Variants in OPALIN observed in about 807,000 individuals in gnomAD.
OPALIN encodes oligodendrocytic myelin paranodal and inner loop protein.
A neutral mutation model predicts 17.8 loss-of-function variants in OPALIN; 15 were observed. That is an observed-to-expected ratio of 0.84 (90% CI 0.56 to 1.29). The LOEUF (loss-of-function observed/expected upper bound fraction) is 1.29, where lower values mean the gene tolerates loss of function less well. Ranked by LOEUF, OPALIN falls within the 50% of genes most tolerant of loss-of-function variation. The pLI is 0.00. For missense variants in OPALIN, 170 were observed against 176.0 expected (o/e 0.97, Z 0.19); for synonymous variants, 62 against 63.8 (o/e 0.97, Z 0.14).
chr10:96,358,184 T>G (rs1009161223), intron 1 of OPALIN, among the ~76,000 whole-genome samples: 1 of 18,068 alleles, frequency 5.5e-5, no homozygotes, highest in Non-Finnish European at 1.1e-4. Context: ...CAATGCTTTT[T>G]GTAAAAAAAA....
At chr10:96,351,631 A>G (rs927651963) in intron 2 of OPALIN, among the ~76,000 whole-genome samples, 1 of 152,168 alleles carries the variant, frequency 6.6e-6, no homozygotes. Flanking sequence ...AATTCAGGCA[A>G]TGTCTTCATT....
In OPALIN at chr10:96,343,587, G is replaced by A. The variant is rs189775885; in HGVS notation, c.*2354C>T. ...CTATAAGTATCAAAGCCAAGGCCACGGCTGAGTTCTCAGTAAATCCAAGGT... is the reference window on the plus strand; with the variant it reads ...CTATAAGTATCAAAGCCAAGGCCACAGCTGAGTTCTCAGTAAATCCAAGGT... On this transcript the variant is annotated 3_prime_UTR_variant, in exon 6 of 6. Transcript: ENST00000371172. 56 of 152,338 alleles carry A rather than the reference G, an allele frequency of 3.7e-4. 1 individual carries two copies. Among genetic ancestry groups the A allele is most frequent in the Admixed American group, 3.1e-3 (48 of 15,308 alleles). The allele number at this position is 152,338 out of a possible 1,614,324, so 9.4% of individuals were successfully genotyped here.
chr10:96,355,239 G>A lies in OPALIN; in HGVS notation c.39+16C>T, dbSNP rs1421559093. 5 of 1,612,494 alleles carry A rather than the reference G, an allele frequency of 3.1e-6. No homozygotes were observed. The highest frequency in any genetic ancestry group is 1.3e-5 in the African/African-American group (1 of 74,764). ...CTTCTCTGCGTTGCCTGGTGAATGGGGGCTGCTGTACTTACTGTGTTCGCC... is the reference window on the plus strand; with the variant it reads ...CTTCTCTGCGTTGCCTGGTGAATGGAGGCTGCTGTACTTACTGTGTTCGCC... On this transcript the variant is annotated intron_variant, in intron 2 of 5. Transcript: ENST00000371172.
At chr10:96,346,431 T>C (rs1021662539) in intron 5 of OPALIN, among the ~76,000 whole-genome samples, 1 of 152,222 alleles carries the variant, frequency 6.6e-6, no homozygotes, top group African/African-American at 2.4e-5. Flanking sequence ...AATCTATTTG[T>C]GTATTTATAT....
At chr10:96,346,893 CA>C (rs1340647844) in intron 5 of OPALIN, among the ~76,000 whole-genome samples, 1 of 152,136 alleles carries the variant, frequency 6.6e-6, no homozygotes, top group Non-Finnish European at 1.5e-5. Context: ...TAGCATTCTA[CA>C]TATTTTAATA....
chr10:96,358,836 G>T lies in OPALIN; in HGVS notation c.3+58C>A. 3 of 1,569,746 alleles carry T rather than the reference G, an allele frequency of 1.9e-6. No individual in the cohort carries two copies. The South Asian group carries it at 3.3e-5, about 17-fold the overall frequency. On this transcript the variant is annotated intron_variant, in intron 1 of 5. Transcript: ENST00000371172. ...CATTGTACATTTAATTGAATTTGGA[G>T]GTTTTTTATAGTAAGAAATGAAAGT...
intron 3 of OPALIN, 23 bp from the exon 4 acceptor site, chr10:96,349,849 G>A (rs771381117): frequency 2.3e-5 from 37 of 1,597,764 alleles, no homozygotes; most frequent in Non-Finnish European, 3.2e-5. Flanking sequence ...GAAAAACACA[G>A]GGTCAGAGGA....
intron 2 of OPALIN, among the ~76,000 whole-genome samples, chr10:96,352,153 G>A (rs1249083351): frequency 6.6e-6 from 1 of 152,082 alleles, no homozygotes; most frequent in Non-Finnish European, 1.5e-5. Flanking sequence ...TATCTACAGG[G>A]ATAGTAGTAG....
intron 5 of OPALIN, among the ~76,000 whole-genome samples, chr10:96,347,753 G>T (rs11813381): frequency 2.6e-5 from 4 of 152,178 alleles, no homozygotes; most frequent in African/African-American, 7.2e-5. Context: ...GATTACAGGC[G>T]TGAGCCACTG....
rs1030883730 is a variant in OPALIN, at chr10:96,349,911, C to A, written c.73-85G>T. 1.1e-5 allele frequency: 15 copies of A among 1,383,972 alleles called. No individual in the cohort carries two copies. In the African/African-American group the frequency reaches 1.5e-4, roughly 14 times the overall value. The allele number at this position is 1,383,972 out of a possible 1,614,324, so 85.7% of individuals were successfully genotyped here. On this transcript the variant is annotated intron_variant, in intron 3 of 5. Coordinates refer to ENST00000371172, the MANE Select transcript of OPALIN (RefSeq NM_033207.5). ...AAAATTCAATAGAATAAAAATAAAA[C>A]AAAAAATCTGCATGGATCATAAACG...
chr10:96,357,784 G>A (rs562525248), intron 1 of OPALIN, among the ~76,000 whole-genome samples: 1 of 152,134 alleles, frequency 6.6e-6, no homozygotes, highest in Non-Finnish European at 1.5e-5. Context: ...TTGTGGAATG[G>A]AATTGCAAGC....
rs192831451 is a variant in OPALIN, at chr10:96,354,900, A to G, written c.39+355T>C. 3.9e-3 allele frequency among the ~76,000 whole-genome samples: 591 copies of G among 150,480 alleles called. 5 individuals carry two copies. Among genetic ancestry groups the G allele is most frequent in the South Asian group, 8.9e-3 (43 of 4,818 alleles). On this transcript the variant is annotated intron_variant, in intron 2 of 5. Coordinates refer to ENST00000371172, the MANE Select transcript of OPALIN (RefSeq NM_033207.5). ...CACCTGAGGTCAGGAGTTTGAGACC[A>G]GCCTGGCCAACATGGCAAAACCCTG...
intron 5 of OPALIN, among the ~76,000 whole-genome samples, chr10:96,347,778 T>C (rs1334118744): frequency 5.3e-5 from 8 of 152,220 alleles, no homozygotes; most frequent in African/African-American, 1.9e-4. Context: ...GGACCTATAC[T>C]TTCTAATTTT....
chr10:96,351,975 T>C (rs974397498), intron 2 of OPALIN, among the ~76,000 whole-genome samples: 7 of 152,228 alleles, frequency 4.6e-5, no homozygotes, highest in Admixed American at 6.5e-5. Flanking sequence ...AGAGTTTACC[T>C]TGATTAGGAA....
rs756116152 is a variant in OPALIN, at chr10:96,349,724, T to C, written c.175A>G (p.Ser59Gly). Residue 59 changes from serine (S) to glycine (G), a missense_variant, in exon 4 of 6, where the codon AGC (serine) becomes GGC (glycine). Ser to Gly is a moderately conservative substitution (Grantham distance 56). Transcript: ENST00000371172. ...GTAATCACCTCCATGGCCTCAATGC[T>C]GCTTCTTCTTCGGTGAATCAAAGTA... ...LFTLIHRRRS[S>G]IEAMEESDRP... 2.5e-6 allele frequency: 4 copies of C among 1,614,022 alleles called. No individual in the cohort carries two copies. Among genetic ancestry groups the C allele is most frequent in the Admixed American group, 3.3e-5 (2 of 60,004 alleles).
intron 1 of OPALIN, 103 bp from the exon 2 acceptor site, chr10:96,355,393 A>G: frequency 9.5e-7 from 1 of 1,055,354 alleles, no homozygotes. Context: ...GAGGTCATTG[A>G]TCCTATAGAC....
At position 96,343,397 on chromosome 10, in the gene OPALIN, T is replaced by C. The variant is rs1737164550; in HGVS notation, c.*2544A>G. 1 of 152,236 alleles carries C rather than the reference T, an allele frequency of 6.6e-6. No homozygotes were observed. The highest frequency in any genetic ancestry group is 2.1e-4 in the South Asian group (1 of 4,828). 9.4% of individuals were successfully genotyped at this position (152,236 alleles called of 1,614,324 possible). ...TAAAATAAGTGATCCAAAACACAAG[T>C]CATCCCTCACTTTATAGCTACATGG... On this transcript the variant is annotated 3_prime_UTR_variant, in exon 6 of 6. Transcript: ENST00000371172.
chr10:96,351,329 T>C, intron 3 of OPALIN, 49 bp downstream of exon 3: 1 of 1,092,578 alleles, frequency 9.2e-7, no homozygotes. Context: ...TCAAGATGGA[T>C]GGAGCATTAT....
intron 1 of OPALIN, among the ~76,000 whole-genome samples, chr10:96,358,094 C>T (rs1247274479): frequency 2.1e-5 from 3 of 145,756 alleles, no homozygotes. Context: ...TAGGTTTTTG[C>T]TCACCAGCTT....
Sources: gnomAD v4.1 joint callset for allele counts (sites outside exome capture counted in the v4.1 genomes callset) on GRCh38, gnomAD v4.1.1 for gene constraint, MANE v1.5 for transcripts, NCBI Gene and HGNC (gene_info 2026-07-23, HGNC 2026-07-21) for gene names.